PDSS2: variants seen among roughly 807,000 people sequenced by gnomAD.
The protein encoded by PDSS2 is all trans-polyprenyl-diphosphate synthase PDSS2.
Under a neutral mutation model 44.5 loss-of-function variants are expected in PDSS2, and 31 were observed. That is an observed-to-expected ratio of 0.70 (90% CI 0.52 to 0.94). PDSS2 has a LOEUF of 0.94. Ranked by LOEUF, PDSS2 falls within the 40% of genes least tolerant of loss-of-function variation. The pLI, the probability that PDSS2 is intolerant of heterozygous loss-of-function variation, is 0.00. For synonymous variants in PDSS2, 157 were observed against 180.3 expected (o/e 0.87, Z 1.03); for missense variants, 452 against 482.2 (o/e 0.94, Z 0.59).
At chr6:107,388,612 C>T (rs1034516100) in intron 1 of PDSS2, among the ~76,000 whole-genome samples, 1 of 152,152 alleles carries the variant, frequency 6.6e-6, no homozygotes, top group Non-Finnish European at 1.5e-5. Flanking sequence ...GCGCCCGCCA[C>T]CACGGCTGGC....
intron 6 of PDSS2, among the ~76,000 whole-genome samples, chr6:107,201,257 A>C (rs751739170): frequency 3.3e-5 from 5 of 152,106 alleles, no homozygotes; most frequent in Non-Finnish European, 7.3e-5. Context: ...GTTCACAGAG[A>C]ATGTGTGGTT....
chr6:107,220,575 G>GA lies in PDSS2; in HGVS notation c.703-8294dup, dbSNP rs559235523. ...TAGATAATTCTATTTCAGAATAATT[G>GA]AAAGATCTCTAAAATCAAAGATTCA... On this transcript the variant is annotated intron_variant, in intron 4 of 7. Coordinates refer to ENST00000369037, the MANE Select transcript of PDSS2 (RefSeq NM_020381.4). 2.3e-4 allele frequency among the ~76,000 whole-genome samples: 30 copies of GA among 131,878 alleles called. No individual in the cohort carries two copies. In the East Asian group the frequency reaches 7.2e-3, roughly 32 times the overall value. The allele number at this position is 131,878 out of a possible 152,430, so 86.5% of individuals were successfully genotyped here. A position where few individuals can be genotyped will look rare whatever the true frequency, so the allele number is the denominator to read the frequency against.
chr6:107,426,910 G>C (rs1286610024), intron 1 of PDSS2, among the ~76,000 whole-genome samples: 2 of 152,104 alleles, frequency 1.3e-5, no homozygotes, highest in Non-Finnish European at 2.9e-5. Flanking sequence ...TTCATAGATG[G>C]AAGTGACTTA....
intron 1 of PDSS2, among the ~76,000 whole-genome samples, chr6:107,366,268 T>A (rs117266857): frequency 6.4e-4 from 97 of 152,246 alleles, no homozygotes; most frequent in South Asian, 1.7e-3. Flanking sequence ...AACAACATAC[T>A]TCTAAATAGC....
At chr6:107,157,727 A>G (rs1554245930) in intron 7 of PDSS2, among the ~76,000 whole-genome samples, 1 of 150,364 alleles carries the variant, frequency 6.7e-6, no homozygotes, top group Non-Finnish European at 1.5e-5. Flanking sequence ...CTGGAGTGCA[A>G]TGGCGCGATC....
chr6:107,364,301 C>A (rs1160879908), intron 1 of PDSS2, among the ~76,000 whole-genome samples: 2 of 152,226 alleles, frequency 1.3e-5, no homozygotes, highest in Non-Finnish European at 2.9e-5. Flanking sequence ...GGGAGTGGTG[C>A]TGGTCGGGGA....
intron 4 of PDSS2, among the ~76,000 whole-genome samples, chr6:107,243,194 T>C (rs1028472428): frequency 2.6e-5 from 4 of 152,224 alleles, no homozygotes; most frequent in African/African-American, 9.6e-5. Flanking sequence ...TGAAACATGT[T>C]AATATATTAA....
At chr6:107,442,294 A>G (rs1182896932) in intron 1 of PDSS2, among the ~76,000 whole-genome samples, 3 of 151,974 alleles carry the variant, frequency 2.0e-5, no homozygotes, top group African/African-American at 7.2e-5. Context: ...GCACATGCCT[A>G]TAATCCCAGC....
intron 4 of PDSS2, among the ~76,000 whole-genome samples, chr6:107,231,052 T>TA (rs1000367050): frequency 1.3e-5 from 2 of 151,938 alleles, no homozygotes; most frequent in Non-Finnish European, 2.9e-5. Context: ...CTATTTAAAT[T>TA]AAAAAAAATT....
At chr6:107,317,832 C>T (rs1263112108) in intron 2 of PDSS2, among the ~76,000 whole-genome samples, 1 of 152,096 alleles carries the variant, frequency 6.6e-6, no homozygotes, top group Non-Finnish European at 1.5e-5. Context: ...GATTAGTGGT[C>T]CCCAGTTTGG....
At chr6:107,326,986 TA>T (rs904931910) in intron 2 of PDSS2, among the ~76,000 whole-genome samples, 1 of 152,214 alleles carries the variant, frequency 6.6e-6, no homozygotes, top group African/African-American at 2.4e-5. Context: ...CTCATTCAAT[TA>T]CTCATTTAAT....
chr6:107,430,233 C>T (rs987518870), intron 1 of PDSS2, among the ~76,000 whole-genome samples: 1 of 152,092 alleles, frequency 6.6e-6, no homozygotes, highest in African/African-American at 2.4e-5. Context: ...GGCACAGTGG[C>T]TCACGCCTGT....
At chr6:107,256,861 C>T (rs1775040207) in intron 3 of PDSS2, among the ~76,000 whole-genome samples, 1 of 151,764 alleles carries the variant, frequency 6.6e-6, no homozygotes, top group Middle Eastern at 3.2e-3. Flanking sequence ...GATCCTGTCC[C>T]AGAAATAAAT....
chr6:107,358,231 G>C (rs1160813490), intron 1 of PDSS2, among the ~76,000 whole-genome samples: 1 of 152,058 alleles, frequency 6.6e-6, no homozygotes, highest in African/African-American at 2.4e-5. Context: ...TTAGACTTGG[G>C]TCACATTCCC....
chr6:107,195,118 C>T (rs1434315247), intron 6 of PDSS2, among the ~76,000 whole-genome samples: 3 of 151,992 alleles, frequency 2.0e-5, no homozygotes, highest in Non-Finnish European at 4.4e-5. Context: ...GTTCCTGAGT[C>T]CAAATTTACA....
intron 4 of PDSS2, among the ~76,000 whole-genome samples, chr6:107,239,074 C>T (rs183309868): frequency 1.8e-4 from 27 of 151,998 alleles, no homozygotes; most frequent in Admixed American, 3.9e-4. Flanking sequence ...GTTAGGGGTT[C>T]GAGACCAGCC....
intron 6 of PDSS2, among the ~76,000 whole-genome samples, chr6:107,194,812 G>A (rs539580336): frequency 4.5e-4 from 68 of 152,222 alleles, no homozygotes; most frequent in African/African-American, 1.6e-3. Flanking sequence ...TTAGCCAGGC[G>A]TGGTGGCAGG....
intron 1 of PDSS2, among the ~76,000 whole-genome samples, chr6:107,348,161 C>T (rs189995683): frequency 2.0e-5 from 3 of 152,252 alleles, no homozygotes; most frequent in African/African-American, 4.8e-5. Flanking sequence ...TGATGGGCAA[C>T]AGGAGTGGCA....
chr6:107,405,394 T>A (rs1780279455), intron 1 of PDSS2, among the ~76,000 whole-genome samples: 3 of 144,504 alleles, frequency 2.1e-5, no homozygotes, highest in Non-Finnish European at 3.0e-5. Flanking sequence ...GAGAAAGAAA[T>A]TAAATAGGAA....
Sources: gnomAD v4.1 joint callset for allele counts (sites outside exome capture counted in the v4.1 genomes callset) on GRCh38, gnomAD v4.1.1 for gene constraint, MANE v1.5 for transcripts, NCBI Gene and HGNC (gene_info 2026-07-23, HGNC 2026-07-21) for gene names.